The following AP3M1 variants were observed in gnomAD, a reference collection of about 807,000 sequenced individuals.
AP3M1 encodes the protein adaptor related protein complex 3 subunit mu 1.
Under a neutral mutation model 42.6 loss-of-function variants are expected in AP3M1, and 29 were observed. The observed-to-expected ratio is 0.68, with a 90% confidence interval of 0.51 to 0.93. AP3M1 has a LOEUF of 0.93. AP3M1 is among the 40% of genes least tolerant of loss of function. The pLI, the probability that AP3M1 is intolerant of heterozygous loss-of-function variation, is 0.00. For synonymous variants in AP3M1, 178 were observed against 175.3 expected, an observed-to-expected ratio of 1.02 and a Z score of -0.12; for missense variants, 416 against 510.2, an observed-to-expected ratio of 0.82 and a Z score of 1.78.
chr10:74,120,408 AAGC>A lies in AP3M1; in HGVS notation c.*3399_*3401del, dbSNP rs1840401331. ...GAAGTGGCAAAGGTTAACAGGCAGA[AAGC>A]AGCTGGATGAAACAGTTTATTTTCA... On this transcript the variant is annotated 3_prime_UTR_variant, in exon 9 of 9. Coordinates refer to ENST00000355264, the MANE Select transcript of AP3M1 (RefSeq NM_012095.6). 1 of 152,274 alleles carries A rather than the reference AAGC, an allele frequency of 6.6e-6. No homozygotes were observed. Among genetic ancestry groups the A allele is most frequent in the Admixed American group, 6.5e-5 (1 of 15,288 alleles). The allele number at this position is 152,274 out of a possible 1,614,324, so 9.4% of individuals were successfully genotyped here.
rs924802960 is a variant in AP3M1 at position 74,124,417 on chromosome 10, G to A, written c.1119C>T (p.Leu373=). ...GCTGCTGGATCTTAAACTGTATGTTGAGGCTCGGATTCTCTTCTGGTTTGG... is the reference window on the plus strand; with the variant it reads ...GCTGCTGGATCTTAAACTGTATGTTAAGGCTCGGATTCTCTTCTGGTTTGG... ...GAPKPEENPS[L]NIQFKIQQLA... Residue 373 remains leucine, a synonymous_variant, in exon 8 of 9, where the codon CTC becomes CTT. Coordinates refer to ENST00000355264, the MANE Select transcript of AP3M1 (RefSeq NM_012095.6). 1 of 1,613,618 alleles carries A rather than the reference G, an allele frequency of 6.2e-7. No individual in the cohort carries two copies. Among genetic ancestry groups the A allele is most frequent in the Non-Finnish European group, 8.5e-7 (1 of 1,179,816 alleles).
rs1840869859 is a variant in AP3M1, at chr10:74,134,090, A to T, written c.520T>A (p.Tyr174Asn). 6.2e-7 allele frequency: 1 copy of T among 1,614,188 alleles called. No individual in the cohort carries two copies. The highest frequency in any genetic ancestry group is 8.5e-7 in the Non-Finnish European group (1 of 1,180,008). The change falls in exon 4 of 9, where the codon TAC becomes AAC. Residue 174 changes from tyrosine (Y) to asparagine (N), a missense_variant. Physicochemically the swap from Tyr to Asn is moderately radical, Grantham distance 143. Coordinates refer to ENST00000355264, the MANE Select transcript of AP3M1 (RefSeq NM_012095.6). ...TCAAAATAGGCTTCATTGTTTGTGT[A>T]CTTTACCCCTGCCCGACGCCATGGT... The part of the protein sequence containing the change: ...NIPWRRAGVK[Y>N]TNNEAYFDVV...
intron 2 of AP3M1, 72 bp downstream of exon 2, chr10:74,138,035 A>C: frequency 6.8e-7 from 1 of 1,460,626 alleles, no homozygotes; most frequent in South Asian, 1.4e-5. Context: ...TGGGTAATTA[A>C]ATAATATAAT....
At chr10:74,146,682 G>C (rs1414877422) in intron 1 of AP3M1, among the ~76,000 whole-genome samples, 2 of 152,108 alleles carry the variant, frequency 1.3e-5, no homozygotes, top group East Asian at 3.9e-4. Flanking sequence ...TGGTGCTTTA[G>C]AGAAGCCAGA....
chr10:74,131,482 A>G (rs987931363), intron 4 of AP3M1, among the ~76,000 whole-genome samples: 1 of 151,756 alleles, frequency 6.6e-6, no homozygotes, highest in African/African-American at 2.4e-5. Flanking sequence ...AGAATTTTAA[A>G]ATGTGGCAAG....
chr10:74,131,641 G>A lies in AP3M1; in HGVS notation c.584-1649C>T, dbSNP rs1840783584. On this transcript the variant is annotated intron_variant, in intron 4 of 8. Coordinates refer to ENST00000355264, the MANE Select transcript of AP3M1 (RefSeq NM_012095.6). ...TAGTTCACCACAGCATTGAACTCCT[G>A]GGCTCAAGCAATCCTCCTGCCTCAG... 2.6e-5 allele frequency among the ~76,000 whole-genome samples: 4 copies of A among 152,200 alleles called. No individual in the cohort carries two copies. The South Asian group carries it at 8.3e-4, about 32-fold the overall frequency.
At chr10:74,131,532 G>A (rs1049117174) in intron 4 of AP3M1, among the ~76,000 whole-genome samples, 2 of 151,800 alleles carry the variant, frequency 1.3e-5, no homozygotes, top group Non-Finnish European at 2.9e-5. Context: ...TAAGAAATAG[G>A]ATCCATAATA....
rs1201462837 is a variant in AP3M1, at chr10:74,122,336, T to G, written c.*1474A>C. The G allele has an allele frequency of 6.6e-6, 1 of 152,110 alleles. No homozygotes were observed. The highest frequency in any genetic ancestry group is 2.4e-5 in the African/African-American group (1 of 41,422). The allele number at this position is 152,110 out of a possible 1,614,324, so 9.4% of individuals were successfully genotyped here. On this transcript the variant is annotated 3_prime_UTR_variant, in exon 9 of 9. Transcript: ENST00000355264. ...ATCCTTAGCATAAGGGAAAGACGGT[T>G]ATAAGCTGAGAAGATTGAAAGAAGA...
chr10:74,124,023 G>T, intron 8 of AP3M1, 113 bp from the exon 9 acceptor site: 1 of 929,296 alleles, frequency 1.1e-6, no homozygotes, highest in Non-Finnish European at 1.7e-6. Context: ...TCCACCATTT[G>T]GAAGAAATGT....
chr10:74,149,091 T>TC (rs968805340), intron 1 of AP3M1, among the ~76,000 whole-genome samples: 5 of 151,610 alleles, frequency 3.3e-5, no homozygotes, highest in African/African-American at 1.2e-4. Flanking sequence ...CAGGATGGTC[T>TC]CGATCTCTTG....
chr10:74,132,920 A>G (rs1286937553), intron 4 of AP3M1, among the ~76,000 whole-genome samples: 1 of 152,210 alleles, frequency 6.6e-6, no homozygotes, highest in Non-Finnish European at 1.5e-5. Context: ...GACCTCAACT[A>G]GTGGTTATGA....
chr10:74,130,069 AT>A, intron 4 of AP3M1, 77 bp from the exon 5 acceptor site: 1 of 1,000,212 alleles, frequency 1.0e-6, no homozygotes, highest in Non-Finnish European at 1.5e-6. Context: ...GTATCTTTTT[AT>A]TTTTATTTAT....
chr10:74,123,686 C>CG lies in AP3M1; in HGVS notation c.*123dup. 1 of 737,956 alleles carries CG rather than the reference C, an allele frequency of 1.4e-6. No homozygotes were observed. Among genetic ancestry groups the CG allele is most frequent in the Non-Finnish European group, 2.4e-6 (1 of 423,830 alleles). The allele number at this position is 737,956 out of a possible 1,614,324, so 45.7% of individuals were successfully genotyped here. ...ATTGATAACTAAGTAACTTTGTTAG[C>CG]GGTGTGTAGCTAGACACAAATGCTT... On this transcript the variant is annotated 3_prime_UTR_variant, in exon 9 of 9. Coordinates refer to ENST00000355264, the MANE Select transcript of AP3M1 (RefSeq NM_012095.6).
In AP3M1 at chr10:74,126,209, A is replaced by G. The variant is rs769858972; in HGVS notation, c.950T>C (p.Val317Ala). ...GGGTGTCAGGTTCATGTTCAGCACA[A>G]CTTTTGGCATGTGAACTGTCACTGT... ...GITVTVHMPK[V>A]VLNMNLTPTQ... Residue 317 changes from valine (V) to alanine (A), a missense_variant, in exon 7 of 9, where the codon GTT becomes GCT. Coordinates refer to ENST00000355264, the MANE Select transcript of AP3M1 (RefSeq NM_012095.6). 2.5e-6 allele frequency: 4 copies of G among 1,614,178 alleles called. No individual in the cohort carries two copies. Among genetic ancestry groups the G allele is most frequent in the South Asian group, 1.1e-5 (1 of 91,084 alleles).
At chr10:74,142,007 C>T (rs967855694) in intron 1 of AP3M1, among the ~76,000 whole-genome samples, 2 of 151,944 alleles carry the variant, frequency 1.3e-5, no homozygotes, top group Non-Finnish European at 2.9e-5. Context: ...AGGAGTGAGA[C>T]ACCGCACCTG....
intron 7 of AP3M1, among the ~76,000 whole-genome samples, chr10:74,125,936 C>G (rs923320848): frequency 6.6e-6 from 1 of 152,188 alleles, no homozygotes; most frequent in African/African-American, 2.4e-5. Flanking sequence ...TGAAAAAGGA[C>G]AGAATGACAC....
chr10:74,143,781 T>C (rs1841233957), intron 1 of AP3M1, among the ~76,000 whole-genome samples: 1 of 152,200 alleles, frequency 6.6e-6, no homozygotes, highest in Non-Finnish European at 1.5e-5. Flanking sequence ...CCTGCTCTTA[T>C]CTGCCTTGTA....
chr10:74,132,334 G>A (rs983970484), intron 4 of AP3M1, among the ~76,000 whole-genome samples: 1 of 151,424 alleles, frequency 6.6e-6, no homozygotes. Context: ...CACCATGCCC[G>A]GCTGCTATTT....
chr10:74,140,934 A>G (rs1841126586), intron 1 of AP3M1, among the ~76,000 whole-genome samples: 1 of 152,224 alleles, frequency 6.6e-6, no homozygotes, highest in Non-Finnish European at 1.5e-5. Flanking sequence ...AAAAATATGC[A>G]TAGATTTTGA....
Sources: allele counts gnomAD v4.1 joint callset (sites outside exome capture counted in the v4.1 genomes callset), GRCh38; gene constraint gnomAD v4.1.1; transcripts MANE v1.5; gene names NCBI Gene and HGNC (gene_info 2026-07-23, HGNC 2026-07-21).